PKLR: variants seen among roughly 807,000 people sequenced by gnomAD.
The protein encoded by PKLR is pyruvate kinase PKLR.
PKLR carries 38 observed loss-of-function variants against 53.6 expected under a neutral mutation model. The ratio of observed to expected loss-of-function variants is 0.71; its 90% confidence interval spans 0.55 to 0.93. The LOEUF (loss-of-function observed/expected upper bound fraction) is 0.93, where lower values mean the gene tolerates loss of function less well. PKLR is among the 40% of genes least tolerant of loss of function. The pLI, the probability that PKLR is intolerant of heterozygous loss-of-function variation, is 0.00. For synonymous variants in PKLR, 328 were observed against 316.2 expected, an observed-to-expected ratio of 1.04 and a Z score of -0.39; for missense variants, 702 against 787.3, an observed-to-expected ratio of 0.89 and a Z score of 1.30.
chr1:155,290,622 G>T lies in PKLR; in HGVS notation c.1675C>A (p.Arg559=). The T allele has an allele frequency of 6.2e-7, 1 of 1,613,350 alleles. No individual in the cohort carries two copies. The highest frequency in any genetic ancestry group is 1.3e-5 in the African/African-American group (1 of 74,948). ...GDLVIVVTGW[R]PGSGYTNIMR... ...ATGTTGGTGTAGCCGGAGCCAGGTC[G>T]CCAGCCTGTCACCACAATCACCAGG... Residue 559 remains arginine, a synonymous_variant, in exon 11 of 11, where the codon CGA becomes AGA. Coordinates refer to ENST00000342741, the MANE Select transcript of PKLR (RefSeq NM_000298.6).
the PKLR span, among the ~76,000 whole-genome samples, chr1:155,308,207 G>T: frequency 2.8e-3 from 423 of 151,650 alleles, 3 homozygotes; most frequent in African/African-American, 9.8e-3. Context: ...GATTACAGGC[G>T]CGCGCCACCA....
Position 155,294,708 on chromosome 1 carries a change from C to G in PKLR, c.739G>C (p.Gly247Arg). The G allele has an allele frequency of 1.2e-6, 2 of 1,613,822 alleles. No homozygotes were observed. Among genetic ancestry groups the G allele is most frequent in the Non-Finnish European group, 1.7e-6 (2 of 1,180,012 alleles). Residue 247 changes from glycine (G) to arginine (R), a missense_variant, in exon 6 of 11, where the codon GGC (glycine) becomes CGC (arginine). Gly to Arg is a moderately radical substitution (Grantham distance 125). Around this residue, in one of 2 missense-constraint regions of PKLR, gnomAD observed 519 missense variants for 537.1 expected, o/e 0.97. Coordinates refer to ENST00000342741, the MANE Select transcript of PKLR (RefSeq NM_000298.6). Reference protein sequence around the residue: ...VTQVENGGVLGSRKGVNLPGA... With the variant: ...VTQVENGGVLRSRKGVNLPGA... Reference sequence around the variant, plus strand: ...GGCAAGTTCACGCCCTTCCGGCTGCCCAGGACGCCGCCGTTCTCCACTTGG... The same window carrying G: ...GGCAAGTTCACGCCCTTCCGGCTGCGCAGGACGCCGCCGTTCTCCACTTGG...
At position 155,294,761 on chromosome 1, in the gene PKLR, A is replaced by G; in HGVS notation, c.695-9T>C. The G allele has an allele frequency of 6.2e-7, 1 of 1,613,818 alleles. No individual in the cohort carries two copies. Among genetic ancestry groups the G allele is most frequent in the Non-Finnish European group, 8.5e-7 (1 of 1,180,012 alleles). On this transcript the variant is annotated splice_polypyrimidine_tract_variant and intron_variant, in intron 5 of 10. Coordinates refer to ENST00000342741, the MANE Select transcript of PKLR (RefSeq NM_000298.6). ...CACCAGTCCCTCTGGGCCTGCGGAC[A>G]TGGAAAGAGCCAGCTGCGGTCAGGG...
chr1:155,298,546 C>T (rs970767931), intron 2 of PKLR, among the ~76,000 whole-genome samples: 4 of 146,186 alleles, frequency 2.7e-5, no homozygotes, highest in South Asian at 2.2e-4. Context: ...AGGCTGGTCT[C>T]GAACTCCTGA....
Position 155,295,034 on chromosome 1 carries a change from G to T in PKLR, c.694+82C>A. The T allele has an allele frequency of 6.8e-7, 1 of 1,471,938 alleles. No individual in the cohort carries two copies. Among genetic ancestry groups the T allele is most frequent in the Non-Finnish European group, 9.4e-7 (1 of 1,067,344 alleles). 91.2% of individuals were successfully genotyped at this position (1,471,938 alleles called of 1,614,324 possible). ...GCGTGGCCAGGGGAAGGTGTGATCG[G>T]TCTGAGGGCTGATGGGGGAGCCAAG... On this transcript the variant is annotated intron_variant, in intron 5 of 10. Coordinates refer to ENST00000342741, the MANE Select transcript of PKLR (RefSeq NM_000298.6). This position sits in a 1 kb window ranked among gnomAD's most constrained non-coding sequence, Gnocchi z 4.3.
upstream of PKLR, among the ~76,000 whole-genome samples, chr1:155,301,890 T>C (rs1648018046): frequency 6.6e-6 from 1 of 150,560 alleles, no homozygotes; most frequent in Non-Finnish European, 1.5e-5. Context: ...TTCGCCTACA[T>C]GTTTGAACCC....
upstream of PKLR, among the ~76,000 whole-genome samples, chr1:155,302,891 GCTGA>G (rs1016870611): frequency 2.0e-5 from 3 of 151,994 alleles, no homozygotes; most frequent in East Asian, 3.9e-4. Flanking sequence ...TTCCACAGGT[GCTGA>G]CTTTTTATTT....
rs759466273 is a variant in PKLR at position 155,293,184 on chromosome 1, T to C, written c.1429A>G (p.Thr477Ala). ...TCCCAATATCCCCCTCACCGGCCAG[T>C]TGTGGTCAGCACAATGATGGCAGCA... is the stretch of plus-strand genomic sequence containing the variant. The part of the protein sequence containing the change: ...CAAAIIVLTT[T>A]GRSAQLLSRY... The change falls in exon 9 of 11, where the codon ACT becomes GCT. Residue 477 changes from threonine to alanine, a missense_variant. Coordinates refer to ENST00000342741, the MANE Select transcript of PKLR (RefSeq NM_000298.6). This position sits in a 1 kb window ranked among gnomAD's most constrained non-coding sequence, Gnocchi z 4.2. The C allele has an allele frequency of 1.9e-6, 3 of 1,612,374 alleles. No homozygotes were observed. The highest frequency in any genetic ancestry group is 2.5e-6 in the Non-Finnish European group (3 of 1,179,218).
Position 155,290,436 on chromosome 1 carries a change from T to C in PKLR, c.*136A>G, listed in dbSNP as rs762039790. ...TGACAGTTATAGTCTCAGATAGGCC[T>C]CAGGTAGGGAGGGTCAGGAATAGAG... is the stretch of plus-strand genomic sequence containing the variant. On this transcript the variant is annotated 3_prime_UTR_variant, in exon 11 of 11. Transcript: ENST00000342741. 5.9e-6 allele frequency: 4 copies of C among 672,586 alleles called. No individual in the cohort carries two copies. The highest frequency in any genetic ancestry group is 7.1e-4 in the Middle Eastern group (2 of 2,810). 41.7% of individuals were successfully genotyped at this position (672,586 alleles called of 1,614,324 possible).
Position 155,299,761 on chromosome 1 carries a change from C to G in PKLR, c.283+337G>C, listed in dbSNP as rs768428039. On this transcript the variant is annotated intron_variant, in intron 2 of 10. Coordinates refer to ENST00000342741, the MANE Select transcript of PKLR (RefSeq NM_000298.6). The stretch of plus-strand genomic sequence containing the variant: ...CCTCAAGTGATCTGCCCACCTGGGC[C>G]TCCCAACATGCTGCGATTACAGGCA... Among the ~76,000 whole-genome samples, 3 of 152,174 alleles carry G rather than the reference C, an allele frequency of 2.0e-5. No individual in the cohort carries two copies. In the East Asian group the frequency reaches 5.8e-4, roughly 29 times the overall value.
At chr1:155,291,232 T>C (rs1202388948) in intron 10 of PKLR, among the ~76,000 whole-genome samples, 1 of 151,820 alleles carries the variant, frequency 6.6e-6, no homozygotes, top group African/African-American at 2.4e-5. Context: ...GCACGGTGGC[T>C]GACGCCTGTA....
In PKLR at chr1:155,293,678, C is replaced by G; in HGVS notation, c.1117-88G>C. ...GCTACTTCTCTGACACCCACACTCTCAGAGTGTCCCAAAATCCAGGGTCAC... is the reference window on the plus strand; with the variant it reads ...GCTACTTCTCTGACACCCACACTCTGAGAGTGTCCCAAAATCCAGGGTCAC... On this transcript the variant is annotated intron_variant, in intron 7 of 10. Coordinates refer to ENST00000342741, the MANE Select transcript of PKLR (RefSeq NM_000298.6). The surrounding 1 kb of genome is among the most constrained non-coding windows in gnomAD (Gnocchi z 4.2). 2 of 1,327,506 alleles carry G rather than the reference C, an allele frequency of 1.5e-6. No homozygotes were observed. The highest frequency in any genetic ancestry group is 2.2e-6 in the Non-Finnish European group (2 of 929,200). The allele number at this position is 1,327,506 out of a possible 1,614,324, so 82.2% of individuals were successfully genotyped here.
Position 155,293,177 on chromosome 1 carries a change from C to A in PKLR, c.1436G>T (p.Arg479Leu), listed in dbSNP as rs118204085. The change falls in exon 9 of 11, where the codon CGC (arginine) becomes CTC (leucine). Residue 479 changes from arginine to leucine, a missense_variant and splice_region_variant. By Grantham distance (102) the Arg-to-Leu change is moderately radical. Transcript: ENST00000342741. This position sits in a 1 kb window ranked among gnomAD's most constrained non-coding sequence, Gnocchi z 4.2. ...AAIIVLTTTG[R>L]SAQLLSRYRP... ...TGGACATTCCCAATATCCCCCTCAC[C>A]GGCCAGTTGTGGTCAGCACAATGAT... The A allele has an allele frequency of 3.1e-6, 5 of 1,614,130 alleles. No homozygotes were observed. The highest frequency in any genetic ancestry group is 4.2e-6 in the Non-Finnish European group (5 of 1,179,992).
rs1308009808 is a variant in PKLR, at chr1:155,294,373, G to T, written c.978C>A (p.Ile326=). The T allele has an allele frequency of 1.9e-6, 3 of 1,614,188 alleles. No individual in the cohort carries two copies. The highest frequency in any genetic ancestry group is 1.6e-4 in the Middle Eastern group (1 of 6,062). ...NHEGVKRFDE[I]LEVSDGIMVA... Reference sequence around the variant, plus strand: ...CCATGATGCCGTCGCTCACCTCCAGGATTTCATCAAACCTGAGAGGTTGGG... The same window carrying T: ...CCATGATGCCGTCGCTCACCTCCAGTATTTCATCAAACCTGAGAGGTTGGG... The change falls in exon 7 of 11, where the codon ATC becomes ATA. Residue 326 remains isoleucine, a synonymous_variant. Coordinates refer to ENST00000342741, the MANE Select transcript of PKLR (RefSeq NM_000298.6).
upstream of PKLR, among the ~76,000 whole-genome samples, chr1:155,304,491 C>T (rs577261490): frequency 7.6e-5 from 11 of 145,616 alleles, no homozygotes; most frequent in South Asian, 1.5e-3. Flanking sequence ...AGAACTACTG[C>T]GGGCTTAGGA....
the PKLR span, among the ~76,000 whole-genome samples, chr1:155,308,357 G>A: frequency 3.9e-5 from 6 of 151,954 alleles, no homozygotes; most frequent in Non-Finnish European, 2.9e-5. Flanking sequence ...GTGAGCCACC[G>A]TGCCCGGCCC....
intron 2 of PKLR, among the ~76,000 whole-genome samples, chr1:155,298,726 CTG>C (rs1181627332): frequency 1.3e-5 from 2 of 152,096 alleles, no homozygotes; most frequent in East Asian, 3.9e-4. Flanking sequence ...ACTGCAATCT[CTG>C]TCTCCCGGGT....
In PKLR at chr1:155,289,614, A is replaced by C. The variant is rs1674447653; in HGVS notation, c.*958T>G. 6.6e-6 allele frequency: 1 copy of C among 152,528 alleles called. No homozygotes were observed. The highest frequency in any genetic ancestry group is 2.4e-5 in the African/African-American group (1 of 41,450). The allele number at this position is 152,528 out of a possible 1,614,324, so 9.4% of individuals were successfully genotyped here. ...AATAAGGGAAAGGCCCAAGGTATCCAAGCCTGGGGAAGGGCAGGCCAGCCA... is the reference window on the plus strand; with the variant it reads ...AATAAGGGAAAGGCCCAAGGTATCCCAGCCTGGGGAAGGGCAGGCCAGCCA... On this transcript the variant is annotated 3_prime_UTR_variant, in exon 11 of 11. Coordinates refer to ENST00000342741, the MANE Select transcript of PKLR (RefSeq NM_000298.6).
chr1:155,295,445 G>A lies in PKLR; in HGVS notation c.499C>T (p.Leu167=), dbSNP rs767419098. The change falls in exon 4 of 11, where the codon CTG becomes TTG. Residue 167 remains leucine (L), a synonymous_variant. Transcript: ENST00000342741. This position sits in a 1 kb window ranked among gnomAD's most constrained non-coding sequence, Gnocchi z 4.3. ...TKGPEIRTGI[L]QGGPESEVEL... Reference sequence around the variant, plus strand: ...CCAGCCCCACTGCTCACCCCCTGCAGGATCCCAGTGCGGATCTCCGGTCCC... The same window carrying A: ...CCAGCCCCACTGCTCACCCCCTGCAAGATCCCAGTGCGGATCTCCGGTCCC... 6.2e-7 allele frequency: 1 copy of A among 1,609,298 alleles called. No individual in the cohort carries two copies. Among genetic ancestry groups the A allele is most frequent in the East Asian group, 2.2e-5 (1 of 44,630 alleles).
Sources: gnomAD v4.1 joint callset for allele counts (sites outside exome capture counted in the v4.1 genomes callset) on GRCh38, gnomAD v4.1.1 for gene constraint, gnomAD v4.1.1 regional missense constraint, Gnocchi (gnomAD v3.1) non-coding constraint, MANE v1.5 for transcripts, NCBI Gene and HGNC (gene_info 2026-07-23, HGNC 2026-07-21) for gene names.